GXYLT2: variants seen among roughly 807,000 people sequenced by gnomAD.
GXYLT2 encodes glucoside xylosyltransferase 2.
Under a neutral mutation model 45.8 loss-of-function variants are expected in GXYLT2, and 53 were observed. The observed-to-expected ratio is 1.16, with a 90% CI of 0.93 to 1.46. GXYLT2 has a LOEUF of 1.46. Among genes scored for constraint, GXYLT2 ranks in the 40% most tolerant of loss-of-function variants. GXYLT2 has a pLI of 0.00. For missense variants in GXYLT2, 551 were observed against 544.4 expected (o/e 1.01, Z -0.12); for synonymous variants, 219 against 214.2 (o/e 1.02, Z -0.19).
intron 1 of GXYLT2, among the ~76,000 whole-genome samples, chr3:72,907,425 A>C (rs559929609): frequency 6.6e-6 from 1 of 152,262 alleles, no homozygotes; most frequent in Admixed American, 6.5e-5. Context: ...TTGACATCCA[A>C]GTTCCCCTGG....
rs1709309050 is a variant in GXYLT2 at position 72,897,158 on chromosome 3, C to CT, written c.275+8653dup. On this transcript the variant is annotated intron_variant, in intron 1 of 6. Transcript: ENST00000389617. ...AACTCATATTGGATAGGGCAGAACT[C>CT]TTTCAGTTGCACGTGATAGAATACC... Among the ~76,000 whole-genome samples, 4 of 152,308 alleles carry CT rather than the reference C, an allele frequency of 2.6e-5. No homozygotes were observed. The South Asian group carries it at 8.3e-4, about 32-fold the overall frequency.
At chr3:72,913,187 G>A (rs1274936849) in intron 2 of GXYLT2, among the ~76,000 whole-genome samples, 2 of 150,942 alleles carry the variant, frequency 1.3e-5, no homozygotes, top group East Asian at 2.0e-4. Context: ...ACAGGCGCCC[G>A]CCACCACGCC....
chr3:72,929,949 C>T (rs1030263550), intron 3 of GXYLT2, among the ~76,000 whole-genome samples: 5 of 151,986 alleles, frequency 3.3e-5, no homozygotes, highest in African/African-American at 1.2e-4. Flanking sequence ...GGTGGATCAC[C>T]TGAGGTCAGA....
intron 5 of GXYLT2, among the ~76,000 whole-genome samples, chr3:72,963,994 A>T (rs1710815102): frequency 6.6e-6 from 1 of 151,408 alleles, no homozygotes. Context: ...AATTTTGTAG[A>T]GACGGGAGTC....
intron 3 of GXYLT2, among the ~76,000 whole-genome samples, chr3:72,933,810 G>T (rs1366287986): frequency 6.6e-6 from 1 of 152,118 alleles, no homozygotes; most frequent in Non-Finnish European, 1.5e-5. Flanking sequence ...GCCGAGCTTG[G>T]AGGATCACTT....
intron 1 of GXYLT2, among the ~76,000 whole-genome samples, chr3:72,893,093 T>C (rs1709213835): frequency 6.6e-6 from 1 of 152,150 alleles, no homozygotes; most frequent in Non-Finnish European, 1.5e-5. Context: ...GCTTCAATAA[T>C]CTGATAGGTA....
chr3:72,932,013 T>G (rs1287038041), intron 3 of GXYLT2, among the ~76,000 whole-genome samples: 1 of 151,626 alleles, frequency 6.6e-6, no homozygotes. Context: ...TGTATTTCAA[T>G]CAATTAGGTA....
At chr3:72,928,524 T>C (rs907625924) in intron 3 of GXYLT2, among the ~76,000 whole-genome samples, 1 of 152,202 alleles carries the variant, frequency 6.6e-6, no homozygotes, top group Admixed American at 6.5e-5. Context: ...AGCTATGTGT[T>C]GCAGAGCCTA....
At position 72,888,876 on chromosome 3, in the gene GXYLT2, A is replaced by G. The variant is rs561240533; in HGVS notation, c.275+368A>G. Among the ~76,000 whole-genome samples the G allele has an allele frequency of 7.9e-5, 12 of 152,342 alleles. No homozygotes were observed. In the South Asian group the frequency reaches 2.5e-3, roughly 32 times the overall value. ...TCTAATTCTCATGTTTCACTGGAGA[A>G]TTTTACCGAAACCTTAGATATGGTT... On this transcript the variant is annotated intron_variant, in intron 1 of 6. Transcript: ENST00000389617.
chr3:72,925,144 A>C (rs1709895139), intron 3 of GXYLT2, among the ~76,000 whole-genome samples: 1 of 147,762 alleles, frequency 6.8e-6, no homozygotes, highest in African/African-American at 2.6e-5. Flanking sequence ...TATGTCATCT[A>C]TTTTTCTTTT....
At chr3:72,940,918 A>T (rs777248158) in intron 3 of GXYLT2, among the ~76,000 whole-genome samples, 1 of 152,138 alleles carries the variant, frequency 6.6e-6, no homozygotes, top group Non-Finnish European at 1.5e-5. Flanking sequence ...GGCCTCAAGC[A>T]ATACTCCCAC....
At chr3:72,928,984 AAGGCCCGCCGCCGCTCCAGCGCCGCGC>A in intron 3 of GXYLT2, 1 of 1,058,234 alleles carries the variant, frequency 9.4e-7, no homozygotes, top group Non-Finnish European at 1.4e-6. Context: ...GTACCGCCCC[AAGGCCCGCCGCCGCTCCAGCGCCGCGC>A]AGCCACCGCC....
chr3:72,889,787 C>T (rs1709142116), intron 1 of GXYLT2, among the ~76,000 whole-genome samples: 1 of 152,088 alleles, frequency 6.6e-6, no homozygotes, highest in Non-Finnish European at 1.5e-5. Context: ...AACCTATTGC[C>T]AGGGACAGTG....
At chr3:72,900,995 AT>A in intron 1 of GXYLT2, among the ~76,000 whole-genome samples, 1 of 151,774 alleles carries the variant, frequency 6.6e-6, no homozygotes, top group Non-Finnish European at 1.5e-5. Context: ...TCTACTAAAA[AT>A]ACAAAAAATT....
intron 1 of GXYLT2, among the ~76,000 whole-genome samples, chr3:72,898,122 A>G (rs1188040279): frequency 2.0e-5 from 3 of 152,178 alleles, no homozygotes; most frequent in Non-Finnish European, 4.4e-5. Context: ...AATTTTTTCT[A>G]TGATATATGC....
At chr3:72,899,109 C>T (rs1709351312) in intron 1 of GXYLT2, among the ~76,000 whole-genome samples, 1 of 152,086 alleles carries the variant, frequency 6.6e-6, no homozygotes, top group Non-Finnish European at 1.5e-5. Flanking sequence ...CTCTTAAGTC[C>T]CCCTCTCTGG....
intron 2 of GXYLT2, among the ~76,000 whole-genome samples, 167 bp downstream of exon 2, chr3:72,908,726 A>G (rs1373716802): frequency 2.0e-5 from 3 of 152,200 alleles, no homozygotes; most frequent in African/African-American, 7.2e-5. Context: ...AATTATACCT[A>G]CCTCATAGAG....
intron 5 of GXYLT2, among the ~76,000 whole-genome samples, chr3:72,967,167 G>A (rs922812285): frequency 4.6e-5 from 7 of 152,212 alleles, no homozygotes; most frequent in African/African-American, 1.4e-4. Flanking sequence ...ATAAGATAGA[G>A]GTTGTATTAT....
chr3:72,916,358 T>TG (rs1449446844), intron 2 of GXYLT2, among the ~76,000 whole-genome samples: 1 of 151,268 alleles, frequency 6.6e-6, no homozygotes, highest in Non-Finnish European at 1.5e-5. Flanking sequence ...TAAACTTTTT[T>TG]GGGGGTGGGG....
Sources: gnomAD v4.1 joint callset for allele counts (sites outside exome capture counted in the v4.1 genomes callset) on GRCh38, gnomAD v4.1.1 for gene constraint, MANE v1.5 for transcripts, NCBI Gene and HGNC (gene_info 2026-07-23, HGNC 2026-07-21) for gene names.